SVOPL: variants seen among roughly 807,000 people sequenced by gnomAD.
SVOPL encodes the protein SVOP like.
A neutral mutation model predicts 61.0 loss-of-function variants in SVOPL; 60 were observed. The ratio of observed to expected loss-of-function variants is 0.98; its 90% CI spans 0.80 to 1.22. The LOEUF is 1.22. Ranked by LOEUF, SVOPL falls within the 50% of genes most tolerant of loss-of-function variation. The pLI is 0.00. For missense variants in SVOPL, 662 were observed against 643.9 expected (o/e 1.03, Z -0.30); for synonymous variants, 279 against 250.0 (o/e 1.12, Z -1.09).
At chr7:138,683,351 A>G (rs1178590538) in intron 1 of SVOPL, among the ~76,000 whole-genome samples, 1 of 152,046 alleles carries the variant, frequency 6.6e-6, no homozygotes, top group African/African-American at 2.4e-5. Context: ...TAAATAATTC[A>G]AAAAAATGAG....
chr7:138,622,094 C>T lies in SVOPL; in HGVS notation c.1264-959G>A, dbSNP rs368390315. ...TGTATCTATCTATCTATCTATGTAT[C>T]TATCTATCTATCTATCTATCTATCT... On this transcript the variant is annotated intron_variant, in intron 13 of 15. Coordinates refer to ENST00000674285, the MANE Select transcript of SVOPL (RefSeq NM_001139456.2). Among the ~76,000 whole-genome samples, 317 of 46,758 alleles carry T rather than the reference C, an allele frequency of 6.8e-3. 24 individuals are homozygous for T. Among genetic ancestry groups the T allele is most frequent in the African/African-American group, 0.028 (300 of 10,692 alleles). The allele number at this position is 46,758 out of a possible 152,430, so 30.7% of individuals were successfully genotyped here.
intron 11 of SVOPL, 134 bp downstream of exon 11, chr7:138,628,024 T>C: frequency 9.9e-7 from 1 of 1,008,352 alleles, no homozygotes; most frequent in Non-Finnish European, 1.5e-6. Flanking sequence ...TGGAGATTTT[T>C]CAGCACTACT....
chr7:138,690,659 GGT>G (rs1802919605), intron 1 of SVOPL, among the ~76,000 whole-genome samples: 1 of 152,136 alleles, frequency 6.6e-6, no homozygotes, highest in Non-Finnish European at 1.5e-5. Flanking sequence ...ACTGATAATA[GGT>G]GTGAGGTTTC....
At chr7:138,603,928 T>C (rs376768291) in intron 14 of SVOPL, among the ~76,000 whole-genome samples, 1 of 151,910 alleles carries the variant, frequency 6.6e-6, no homozygotes, top group East Asian at 1.9e-4. Context: ...TACAAAATTA[T>C]TTCTGTCTCA....
chr7:138,674,784 A>G (rs1167292795), intron 3 of SVOPL, among the ~76,000 whole-genome samples: 1 of 151,254 alleles, frequency 6.6e-6, no homozygotes, highest in East Asian at 2.0e-4. Flanking sequence ...TGAACCCAGG[A>G]GGCACAGCTT....
chr7:138,618,710 G>A (rs1365280325), intron 14 of SVOPL, among the ~76,000 whole-genome samples: 5 of 95,826 alleles, frequency 5.2e-5, no homozygotes, highest in African/African-American at 8.4e-5. Context: ...GCACACGCGC[G>A]AGAGAGAGAG....
chr7:138,662,330 T>C (rs1425586301), intron 5 of SVOPL: 1 of 985,332 alleles, frequency 1.0e-6, no homozygotes, highest in Admixed American at 6.1e-5. Context: ...GACTTCTCTT[T>C]TCATTTGTGG....
At chr7:138,615,130 TG>T (rs1243299169) in intron 14 of SVOPL, among the ~76,000 whole-genome samples, 1 of 152,200 alleles carries the variant, frequency 6.6e-6, no homozygotes, top group Non-Finnish European at 1.5e-5. Context: ...TGTTATGGAC[TG>T]GGTGCTTTTG....
intron 7 of SVOPL, among the ~76,000 whole-genome samples, chr7:138,649,378 C>G (rs1801307515): frequency 6.6e-6 from 1 of 152,154 alleles, no homozygotes; most frequent in African/African-American, 2.4e-5. Context: ...ACTGAACCCT[C>G]TGCCTCCTGG....
At chr7:138,690,893 C>T (rs763212785) in intron 1 of SVOPL, among the ~76,000 whole-genome samples, 5 of 152,248 alleles carry the variant, frequency 3.3e-5, no homozygotes, top group Non-Finnish European at 7.4e-5. Context: ...CTGCCTCAGC[C>T]TCCCAAGTAG....
At chr7:138,620,743 T>C (rs577377761) in intron 14 of SVOPL, among the ~76,000 whole-genome samples, 10 of 152,292 alleles carry the variant, frequency 6.6e-5, no homozygotes, top group African/African-American at 2.4e-4. Flanking sequence ...CCCACTGTCA[T>C]TCAACTGCCC....
intron 12 of SVOPL, among the ~76,000 whole-genome samples, chr7:138,626,957 G>A (rs1799920977): frequency 6.6e-6 from 1 of 152,160 alleles, no homozygotes; most frequent in Admixed American, 6.5e-5. Flanking sequence ...CTCCAGGACT[G>A]CAATTTAGGA....
chr7:138,644,363 G>GA (rs1012045934), intron 9 of SVOPL, among the ~76,000 whole-genome samples: 4 of 152,064 alleles, frequency 2.6e-5, no homozygotes, highest in Non-Finnish European at 5.9e-5. Flanking sequence ...TCAGAGATAT[G>GA]AAAAAAGTCA....
In SVOPL at chr7:138,596,579, T is replaced by C. The variant is rs1471951090; in HGVS notation, c.1354-49A>G. The C allele has an allele frequency of 1.9e-6, 3 of 1,592,532 alleles. 1 individual carries two copies. The Admixed American group carries it at 5.2e-5, about 28-fold the overall frequency. On this transcript the variant is annotated intron_variant, in intron 14 of 15. Coordinates refer to ENST00000674285, the MANE Select transcript of SVOPL (RefSeq NM_001139456.2). Reference sequence around the variant, plus strand: ...CAATTTATTATGCTCCAGTTACCTCTAAACTGTTCTTTATGTGAAAGAGAA... The same window carrying C: ...CAATTTATTATGCTCCAGTTACCTCCAAACTGTTCTTTATGTGAAAGAGAA...
At chr7:138,598,446 A>G (rs1462284488) in intron 14 of SVOPL, among the ~76,000 whole-genome samples, 1 of 152,208 alleles carries the variant, frequency 6.6e-6, no homozygotes, top group Non-Finnish European at 1.5e-5. Flanking sequence ...TCAGCATAGA[A>G]TTTTATGACA....
intron 14 of SVOPL, among the ~76,000 whole-genome samples, chr7:138,620,181 C>T (rs1476447752): frequency 3.7e-5 from 5 of 134,186 alleles, no homozygotes; most frequent in Admixed American, 8.3e-5. Context: ...AGTGCAGTGA[C>T]GCGATCTCGG....
intron 1 of SVOPL, chr7:138,689,099 T>C (rs1563139473): frequency 1.3e-6 from 1 of 760,962 alleles, no homozygotes; most frequent in South Asian, 1.3e-5. Flanking sequence ...AGGGTATGCA[T>C]ATATGAAAAG....
At chr7:138,611,029 T>A (rs957055091) in intron 14 of SVOPL, among the ~76,000 whole-genome samples, 2 of 152,192 alleles carry the variant, frequency 1.3e-5, no homozygotes, top group African/African-American at 4.8e-5. Context: ...TCTGTACAAA[T>A]GGAGGCTGAG....
At chr7:138,637,238 C>A (rs1800509471) in intron 9 of SVOPL, among the ~76,000 whole-genome samples, 10 of 151,718 alleles carry the variant, frequency 6.6e-5, no homozygotes, top group Admixed American at 6.6e-4. Flanking sequence ...GGCCAGCCTG[C>A]CCAACATGGT....
Sources: gnomAD v4.1 joint callset for allele counts (sites outside exome capture counted in the v4.1 genomes callset) on GRCh38, gnomAD v4.1.1 for gene constraint, MANE v1.5 for transcripts, NCBI Gene and HGNC (gene_info 2026-07-23, HGNC 2026-07-21) for gene names.